Variants in CTNNA2 observed in about 807,000 individuals in gnomAD.
CTNNA2 encodes the protein catenin alpha 2, also known as catenin alpha-2.
In CTNNA2, 42 loss-of-function variants were observed where a neutral mutation model predicts 101.0. That is an observed-to-expected ratio of 0.42 (90% CI 0.32 to 0.54). The LOEUF (loss-of-function observed/expected upper bound fraction) is 0.54. CTNNA2 is among the 20% of genes least tolerant of loss of function. The pLI, the probability that CTNNA2 is intolerant of heterozygous loss-of-function variation, is 0.14. For synonymous variants in CTNNA2, 450 were observed against 456.4 expected (o/e 0.99, Z 0.18); for missense variants, 871 against 1,223.1 (o/e 0.71, Z 4.29).
intron 7 of CTNNA2, among the ~76,000 whole-genome samples, chr2:80,115,533 A>C (rs1268949737): frequency 6.6e-6 from 1 of 152,216 alleles, no homozygotes; most frequent in African/African-American, 2.4e-5. Flanking sequence ...GAAAATATCA[A>C]AATTAATTGT....
intron 17 of CTNNA2, among the ~76,000 whole-genome samples, chr2:80,610,446 GT>G (rs200758740): frequency 6.6e-6 from 1 of 151,176 alleles, no homozygotes; most frequent in African/African-American, 2.4e-5. Context: ...CAAAGTTGCT[GT>G]TTTTTTTCAG....
At chr2:79,192,851 T>TTA (rs988233764) in intron 1 of CTNNA2, among the ~76,000 whole-genome samples, 1 of 151,954 alleles carries the variant, frequency 6.6e-6, no homozygotes, top group Non-Finnish European at 1.5e-5. Flanking sequence ...ATTTAAAATA[T>TTA]TATATATATA....
intron 7 of CTNNA2, among the ~76,000 whole-genome samples, chr2:80,306,375 C>CT (rs1247931047): frequency 2.7e-4 from 38 of 139,576 alleles, no homozygotes; most frequent in South Asian, 1.1e-3. Context: ...TTCTTTCTTT[C>CT]TTTCTTTTCT....
At chr2:79,801,992 CAAAAAAAAA>C in intron 3 of CTNNA2, among the ~76,000 whole-genome samples, 1 of 63,842 alleles carries the variant, frequency 1.6e-5, no homozygotes, top group Admixed American at 1.8e-4. Context: ...AACTCTGTCT[CAAAAAAAAA>C]AAAAAAAAAA....
chr2:80,347,424 G>GAGAT (rs1251077696), intron 7 of CTNNA2, among the ~76,000 whole-genome samples: 1 of 152,214 alleles, frequency 6.6e-6, no homozygotes, highest in South Asian at 2.1e-4. Flanking sequence ...TGCTTTAGCA[G>GAGAT]AGTGCCTGTG....
At chr2:80,271,999 T>C (rs369976466) in intron 7 of CTNNA2, among the ~76,000 whole-genome samples, 2 of 152,184 alleles carry the variant, frequency 1.3e-5, no homozygotes, top group African/African-American at 2.4e-5. Flanking sequence ...TGGATTCCAC[T>C]GGAATATGAA....
intron 9 of CTNNA2, among the ~76,000 whole-genome samples, chr2:80,440,940 C>G (rs1480951012): frequency 6.6e-6 from 1 of 152,092 alleles, no homozygotes; most frequent in Non-Finnish European, 1.5e-5. Flanking sequence ...TTGGAAGCAC[C>G]GGTTTCTCTC....
chr2:79,677,254 C>G (rs1464467729), intron 2 of CTNNA2, among the ~76,000 whole-genome samples: 1 of 152,148 alleles, frequency 6.6e-6, no homozygotes, highest in African/African-American at 2.4e-5. Flanking sequence ...ACTGTTTCCC[C>G]TTTAAAGTCC....
intron 9 of CTNNA2, among the ~76,000 whole-genome samples, chr2:80,444,369 C>T (rs553689900): frequency 6.6e-6 from 1 of 152,142 alleles, no homozygotes; most frequent in African/African-American, 2.4e-5. Flanking sequence ...GTAGGGAAGA[C>T]AATATAAAAA....
At position 79,284,727 on chromosome 2, in the gene CTNNA2, TG is replaced by T. The variant is rs559069735; in HGVS notation, c.-405-27980del. 1.7e-4 allele frequency among the ~76,000 whole-genome samples: 25 copies of T among 151,154 alleles called. No individual in the cohort carries two copies. In the South Asian group the frequency reaches 5.1e-3, roughly 31 times the overall value. ...GATATTGGTCTAAAATTCTCTTTTT[TG>T]GTTGTGTCTCTGCCTGGCCTTGGTA... is the stretch of plus-strand genomic sequence containing the variant. On this transcript the variant is annotated intron_variant, in intron 2 of 21. Transcript: ENST00000466387.
intron 7 of CTNNA2, among the ~76,000 whole-genome samples, chr2:80,389,408 CTCCT>C (rs1329301164): frequency 6.6e-6 from 1 of 152,020 alleles, no homozygotes; most frequent in East Asian, 1.9e-4. Context: ...CAAGTCTCCG[CTCCT>C]TCCTTCCTCC....
intron 7 of CTNNA2, among the ~76,000 whole-genome samples, chr2:80,186,253 A>T (rs1238718721): frequency 2.6e-5 from 4 of 152,196 alleles, no homozygotes. Flanking sequence ...ATTTTACTTT[A>T]TTTCTCATGT....
At chr2:80,461,641 T>A (rs558841493) in intron 9 of CTNNA2, among the ~76,000 whole-genome samples, 112 of 152,288 alleles carry the variant, frequency 7.4e-4, no homozygotes, top group Non-Finnish European at 1.5e-3. Context: ...TACTGTTATG[T>A]TCATGTACTG....
At chr2:79,622,999 CTA>C (rs1304999791) in intron 1 of CTNNA2, among the ~76,000 whole-genome samples, 1 of 152,168 alleles carries the variant, frequency 6.6e-6, no homozygotes, top group Non-Finnish European at 1.5e-5. Context: ...TGACTAAGAG[CTA>C]GGACTGACAC....
At position 79,659,903 on chromosome 2, in the gene CTNNA2, G is replaced by A. The variant is rs548195596; in HGVS notation, c.102+8245G>A. On this transcript the variant is annotated intron_variant, in intron 2 of 18. Coordinates refer to ENST00000402739, the MANE Select transcript of CTNNA2 (RefSeq NM_001282597.3). Reference sequence around the variant, plus strand: ...AGCTGCTCTGGAGGCTGAGACAAGAGAATTGCTTCAGCCCAGGAGTTCCAG... The same window carrying A: ...AGCTGCTCTGGAGGCTGAGACAAGAAAATTGCTTCAGCCCAGGAGTTCCAG... Among the ~76,000 whole-genome samples, 5 of 152,270 alleles carry A rather than the reference G, an allele frequency of 3.3e-5. No individual in the cohort carries two copies. In the South Asian group the frequency reaches 1.0e-3, roughly 32 times the overall value.
At chr2:79,930,355 A>AGAAAGAAC (rs1472407347) in intron 7 of CTNNA2, among the ~76,000 whole-genome samples, 23 of 104,978 alleles carry the variant, frequency 2.2e-4, no homozygotes, top group Non-Finnish European at 3.1e-4. Context: ...AAAGAAAGAA[A>AGAAAGAAC]GAATGAACAC....
chr2:79,639,881 TA>T (rs1680329334), intron 1 of CTNNA2, among the ~76,000 whole-genome samples: 1 of 152,012 alleles, frequency 6.6e-6, no homozygotes, highest in African/African-American at 2.4e-5. Flanking sequence ...GTGCATTCAG[TA>T]AAAAATCTCC....
chr2:80,436,519 A>G (rs1280410385), intron 9 of CTNNA2, among the ~76,000 whole-genome samples: 3 of 152,256 alleles, frequency 2.0e-5, no homozygotes, highest in South Asian at 2.1e-4. Flanking sequence ...GAATCTCCTC[A>G]TGCTACAGCC....
chr2:79,806,204 T>C (rs1676560551), intron 3 of CTNNA2, among the ~76,000 whole-genome samples: 1 of 138,704 alleles, frequency 7.2e-6, no homozygotes, highest in African/African-American at 2.8e-5. Flanking sequence ...CCATTAGGGC[T>C]ATGCACCCAT....
Sources: gnomAD v4.1 joint callset for allele counts (sites outside exome capture counted in the v4.1 genomes callset) on GRCh38, gnomAD v4.1.1 for gene constraint, MANE v1.5 for transcripts, NCBI Gene and HGNC (gene_info 2026-07-23, HGNC 2026-07-21) for gene names.